DAB1: variants seen among roughly 807,000 people sequenced by gnomAD.
The protein encoded by DAB1 is disabled homolog 1.
A neutral mutation model predicts 64.6 loss-of-function variants in DAB1; 15 were observed. The observed-to-expected ratio is 0.23, with a 90% CI of 0.16 to 0.36. The LOEUF is 0.36. Ranked by LOEUF, DAB1 falls within the 10% of genes least tolerant of loss-of-function variation. The probability of loss-of-function intolerance (pLI) is 1.00; values close to 1 mark genes in which losing one functional copy is unlikely to be tolerated. For synonymous variants in DAB1, 235 were observed against 251.9 expected (o/e 0.93, Z 0.64); for missense variants, 596 against 706.7 (o/e 0.84, Z 1.78).
intron 1 of DAB1, among the ~76,000 whole-genome samples, chr1:57,303,296 C>T (rs1300358208): frequency 6.6e-6 from 1 of 152,184 alleles, no homozygotes; most frequent in Non-Finnish European, 1.5e-5. Flanking sequence ...AGCCTGTGAA[C>T]ATGTTGTCCG....
chr1:58,444,185 T>C (rs892007183), intron 3 of DAB1, among the ~76,000 whole-genome samples: 1 of 152,242 alleles, frequency 6.6e-6, no homozygotes, highest in African/African-American at 2.4e-5. Context: ...AATTGTCTTT[T>C]GAGCAACATA....
intron 1 of DAB1, chr1:57,880,896 A>G (rs1250473786): frequency 6.6e-6 from 1 of 152,212 alleles, no homozygotes; most frequent in Non-Finnish European, 1.5e-5. Flanking sequence ...AAAATTTCAA[A>G]ATATAAAAAC....
intron 4 of DAB1, among the ~76,000 whole-genome samples, chr1:58,250,265 C>T (rs1488044886): frequency 1.3e-5 from 2 of 152,216 alleles, no homozygotes; most frequent in East Asian, 3.9e-4. Context: ...ACCACACTCT[C>T]CGCTCAGCCC....
At chr1:58,127,176 T>A (rs1467662198) in intron 5 of DAB1, among the ~76,000 whole-genome samples, 1 of 151,906 alleles carries the variant, frequency 6.6e-6, no homozygotes, top group African/African-American at 2.4e-5. Context: ...TGGTATCTCA[T>A]TGTGATTTTG....
chr1:57,816,159 G>C (rs1651845544), intron 6 of DAB1, among the ~76,000 whole-genome samples: 1 of 152,154 alleles, frequency 6.6e-6, no homozygotes, highest in Admixed American at 6.5e-5. Flanking sequence ...AGAAGTCCTT[G>C]TCTGCCAAAT....
At chr1:58,335,065 A>G (rs971129680) in intron 4 of DAB1, among the ~76,000 whole-genome samples, 1 of 152,214 alleles carries the variant, frequency 6.6e-6, no homozygotes, top group South Asian at 2.1e-4. Context: ...AAAGAAAACT[A>G]AAGCAGGGTA....
At chr1:58,027,196 CA>C (rs886153033) in intron 5 of DAB1, among the ~76,000 whole-genome samples, 2 of 152,054 alleles carry the variant, frequency 1.3e-5, no homozygotes, top group African/African-American at 4.8e-5. Context: ...AAAAGGAAGA[CA>C]ATATTATGAG....
intron 1 of DAB1, among the ~76,000 whole-genome samples, chr1:57,399,878 C>A (rs1375582786): frequency 6.6e-6 from 1 of 152,162 alleles, no homozygotes; most frequent in Non-Finnish European, 1.5e-5. Flanking sequence ...GCAATGAAGA[C>A]CCAGTAAATC....
intron 5 of DAB1, among the ~76,000 whole-genome samples, chr1:58,039,232 A>G (rs1010728056): frequency 2.1e-4 from 32 of 152,060 alleles, no homozygotes; most frequent in African/African-American, 4.8e-4. Context: ...CACCTCCTTT[A>G]TCTACTCTAG....
intron 6 of DAB1, among the ~76,000 whole-genome samples, chr1:57,705,408 A>G (rs1489151103): frequency 6.6e-6 from 1 of 152,200 alleles, no homozygotes; most frequent in African/African-American, 2.4e-5. Flanking sequence ...GTCTATTTAC[A>G]TATGGCTACT....
At chr1:57,911,013 C>G (rs542540163) in intron 5 of DAB1, among the ~76,000 whole-genome samples, 1 of 152,316 alleles carries the variant, frequency 6.6e-6, no homozygotes, top group South Asian at 2.1e-4. Flanking sequence ...GTAGGAGCAG[C>G]TATGATTCAT....
At chr1:58,367,863 A>G (rs763637786) in intron 3 of DAB1, among the ~76,000 whole-genome samples, 12 of 152,212 alleles carry the variant, frequency 7.9e-5, no homozygotes, top group Non-Finnish European at 1.5e-4. Flanking sequence ...CTGGCCTGAT[A>G]TAATGTTGAA....
At chr1:58,442,659 G>C (rs1645024844) in intron 3 of DAB1, among the ~76,000 whole-genome samples, 1 of 152,192 alleles carries the variant, frequency 6.6e-6, no homozygotes. Context: ...TCCTTGCTCT[G>C]TCACTGACAA....
intron 9 of DAB1, among the ~76,000 whole-genome samples, chr1:57,040,240 A>T (rs1647570989): frequency 6.6e-6 from 1 of 152,092 alleles, no homozygotes; most frequent in African/African-American, 2.4e-5. Flanking sequence ...TGTCAGCAGC[A>T]GTAGTGGGAA....
intron 4 of DAB1, among the ~76,000 whole-genome samples, chr1:57,101,160 C>A (rs1654652863): frequency 2.0e-5 from 3 of 152,140 alleles, no homozygotes; most frequent in Admixed American, 2.0e-4. Flanking sequence ...TACTCAGGGA[C>A]TTGTGAATGG....
chr1:58,304,208 T>C (rs1001991784), intron 4 of DAB1, among the ~76,000 whole-genome samples: 2 of 152,162 alleles, frequency 1.3e-5, no homozygotes, highest in Non-Finnish European at 2.9e-5. Context: ...GCATGCCAAA[T>C]GTAGCTTTGA....
rs139306537 is a variant in DAB1, at chr1:57,097,663, A to G, written c.307-25249T>C. On this transcript the variant is annotated intron_variant, in intron 4 of 14. Transcript: ENST00000371236. Reference sequence around the variant, plus strand: ...TCCAGGTTTTGAGGACTGTCACCTAAACTACTTTAAGTATTAATTCATCAT... The same window carrying G: ...TCCAGGTTTTGAGGACTGTCACCTAGACTACTTTAAGTATTAATTCATCAT... 2.4e-3 allele frequency among the ~76,000 whole-genome samples: 371 copies of G among 152,308 alleles called. 2 individuals are homozygous for G. Among genetic ancestry groups the G allele is most frequent in the African/African-American group, 8.0e-3 (334 of 41,562 alleles).
At chr1:57,604,994 A>G (rs562887746) in intron 7 of DAB1, among the ~76,000 whole-genome samples, 1 of 152,354 alleles carries the variant, frequency 6.6e-6, no homozygotes, top group African/African-American at 2.4e-5. Context: ...AATAATAAAG[A>G]TAATCCTTAA....
intron 2 of DAB1, among the ~76,000 whole-genome samples, chr1:57,264,952 T>A (rs1197394230): frequency 6.6e-6 from 1 of 152,226 alleles, no homozygotes; most frequent in Non-Finnish European, 1.5e-5. Flanking sequence ...TACTGTAACC[T>A]CATTTAATCC....
Sources: gnomAD v4.1 joint callset for allele counts (sites outside exome capture counted in the v4.1 genomes callset) on GRCh38, gnomAD v4.1.1 for gene constraint, MANE v1.5 for transcripts, NCBI Gene and HGNC (gene_info 2026-07-23, HGNC 2026-07-21) for gene names.